Variants in AMPH observed in about 807,000 individuals in gnomAD.
The protein encoded by AMPH is amphiphysin.
AMPH carries 49 observed loss-of-function variants against 99.1 expected under a neutral mutation model. The ratio of observed to expected loss-of-function variants is 0.49; its 90% CI spans 0.39 to 0.63. The LOEUF is 0.63. Ranked by LOEUF, AMPH falls within the 20% of genes least tolerant of loss-of-function variation. The probability of loss-of-function intolerance (pLI) is 0.00; values close to 1 mark genes in which losing one functional copy is unlikely to be tolerated. For synonymous variants in AMPH, 314 were observed against 317.3 expected, an observed-to-expected ratio of 0.99 and a Z score of 0.11; for missense variants, 759 against 863.4, an observed-to-expected ratio of 0.88 and a Z score of 1.52.
chr7:38,522,171 C>T (rs766209918), intron 2 of AMPH, among the ~76,000 whole-genome samples: 6 of 152,176 alleles, frequency 3.9e-5, no homozygotes, highest in Admixed American at 6.5e-5. Context: ...CCAAACCATA[C>T]ATTTTATATT....
intron 1 of AMPH, among the ~76,000 whole-genome samples, chr7:38,582,360 G>A (rs944857492): frequency 3.2e-4 from 48 of 152,296 alleles, no homozygotes; most frequent in African/African-American, 1.1e-3. Flanking sequence ...AGCCTGACTA[G>A]GGTGGGTTCA....
At chr7:38,411,861 T>C (rs1584055436) in intron 17 of AMPH, among the ~76,000 whole-genome samples, 1 of 152,300 alleles carries the variant, frequency 6.6e-6, no homozygotes, top group Non-Finnish European at 1.5e-5. Flanking sequence ...GCCCAATACA[T>C]ATTCAGAAGA....
intron 1 of AMPH, among the ~76,000 whole-genome samples, chr7:38,590,965 T>C (rs7794654): frequency 0.017 from 2,548 of 152,332 alleles, 61 homozygotes; most frequent in African/African-American, 0.051. Flanking sequence ...AAAATGTTAC[T>C]AAATTAATAC....
chr7:38,389,741 G>T, intron 20 of AMPH, 63 bp downstream of exon 20: 1 of 1,247,790 alleles, frequency 8.0e-7, no homozygotes, highest in East Asian at 2.3e-5. Context: ...AAGTGATTGT[G>T]TCCAACAGAC....
intron 1 of AMPH, among the ~76,000 whole-genome samples, chr7:38,621,679 C>T (rs1210083915): frequency 6.6e-6 from 1 of 152,106 alleles, no homozygotes; most frequent in Non-Finnish European, 1.5e-5. Flanking sequence ...ATGAACTCAG[C>T]TTTCAACTAA....
intron 1 of AMPH, among the ~76,000 whole-genome samples, chr7:38,605,622 C>T (rs1214840024): frequency 6.6e-6 from 1 of 152,122 alleles, no homozygotes; most frequent in African/African-American, 2.4e-5. Context: ...TGTCCCCAAG[C>T]AGGAGTGCAA....
chr7:38,443,035 G>A (rs1193542977), intron 11 of AMPH, among the ~76,000 whole-genome samples: 2 of 151,758 alleles, frequency 1.3e-5, no homozygotes, highest in African/African-American at 4.8e-5. Flanking sequence ...ATGAGAGAGG[G>A]AAACATCATC....
chr7:38,427,357 A>T (rs893257129), intron 14 of AMPH, among the ~76,000 whole-genome samples: 1 of 152,218 alleles, frequency 6.6e-6, no homozygotes, highest in Admixed American at 6.5e-5. Context: ...TCTACAATGC[A>T]TCATTTTGAT....
chr7:38,482,174 A>G (rs993803828), intron 5 of AMPH, among the ~76,000 whole-genome samples: 10 of 152,090 alleles, frequency 6.6e-5, no homozygotes, highest in Admixed American at 4.6e-4. Flanking sequence ...ACAATTATCT[A>G]TCTTGGTTGA....
At chr7:38,481,695 A>G (rs183311698) in intron 5 of AMPH, among the ~76,000 whole-genome samples, 64 of 152,212 alleles carry the variant, frequency 4.2e-4, no homozygotes, top group African/African-American at 1.5e-3. Flanking sequence ...ATGGTCCTTC[A>G]TAGCCCTCAC....
At chr7:38,560,779 G>C (rs1791527568) in intron 1 of AMPH, among the ~76,000 whole-genome samples, 1 of 152,218 alleles carries the variant, frequency 6.6e-6, no homozygotes, top group African/African-American at 2.4e-5. Flanking sequence ...CTGCAGCACA[G>C]CACAATCACC....
chr7:38,416,696 G>A (rs1468446299), intron 17 of AMPH, among the ~76,000 whole-genome samples: 3 of 151,944 alleles, frequency 2.0e-5, no homozygotes, highest in African/African-American at 4.8e-5. Context: ...ATCACCATTG[G>A]ACACCAAGTG....
chr7:38,407,072 A>ATG (rs1785047934), intron 17 of AMPH, among the ~76,000 whole-genome samples: 1 of 32,128 alleles, frequency 3.1e-5, no homozygotes, highest in Admixed American at 4.5e-4. Flanking sequence ...ATATATATAT[A>ATG]TATATGTGTG....
chr7:38,506,560 A>G (rs1789331682), intron 2 of AMPH, among the ~76,000 whole-genome samples: 1 of 152,158 alleles, frequency 6.6e-6, no homozygotes, highest in South Asian at 2.1e-4. Flanking sequence ...ACCAATCTAA[A>G]GCCTAAAAGC....
intron 2 of AMPH, among the ~76,000 whole-genome samples, chr7:38,506,159 A>G (rs879405536): frequency 6.6e-6 from 1 of 152,174 alleles, no homozygotes; most frequent in Non-Finnish European, 1.5e-5. Flanking sequence ...ATGAGTGAGA[A>G]ACTAACCTCT....
At position 38,521,521 on chromosome 7, in the gene AMPH, AAAAC is replaced by A. The variant is rs569299994; in HGVS notation, c.150+13406_150+13409del. Among the ~76,000 whole-genome samples the A allele has an allele frequency of 3.1e-3, 474 of 152,330 alleles. 6 individuals are homozygous for A. The highest frequency in any genetic ancestry group is 0.01 in the Middle Eastern group (3 of 294). On this transcript the variant is annotated intron_variant, in intron 2 of 20. Coordinates refer to ENST00000356264, the MANE Select transcript of AMPH (RefSeq NM_001635.4). ...GGGTGACAGAGCAAGACTCTGTCTCAAAACAAACAAACAAAAAAGTATATGTGGA... is the reference window on the plus strand; with the variant it reads ...GGGTGACAGAGCAAGACTCTGTCTCAAAACAAACAAAAAAGTATATGTGGA...
intron 1 of AMPH, among the ~76,000 whole-genome samples, chr7:38,541,286 AAGTG>A (rs1790801774): frequency 2.1e-5 from 2 of 94,938 alleles, no homozygotes; most frequent in Admixed American, 2.1e-4. Context: ...CAGGGGAGGT[AAGTG>A]CAGGGTAGCT....
intron 1 of AMPH, among the ~76,000 whole-genome samples, chr7:38,546,759 T>G (rs1266117888): frequency 1.3e-5 from 2 of 152,172 alleles, no homozygotes; most frequent in African/African-American, 2.4e-5. Flanking sequence ...CCTACCAGCC[T>G]TGCATACAGA....
At chr7:38,416,240 A>T (rs1428330125) in intron 17 of AMPH, among the ~76,000 whole-genome samples, 2 of 151,858 alleles carry the variant, frequency 1.3e-5, no homozygotes, top group Non-Finnish European at 2.9e-5. Flanking sequence ...GTTTGTTGAA[A>T]TGAGGATGGG....
Sources: allele counts gnomAD v4.1 joint callset (sites outside exome capture counted in the v4.1 genomes callset), GRCh38; gene constraint gnomAD v4.1.1; transcripts MANE v1.5; gene names NCBI Gene and HGNC (gene_info 2026-07-23, HGNC 2026-07-21).